The following DLG2 variants were observed in gnomAD, a reference collection of about 807,000 sequenced individuals.
The protein encoded by DLG2 is disks large homolog 2.
In DLG2, 45 loss-of-function variants were observed where a neutral mutation model predicts 132.5. The ratio of observed to expected loss-of-function variants is 0.34; its 90% CI spans 0.27 to 0.44. The LOEUF (loss-of-function observed/expected upper bound fraction) is 0.44, where lower values mean the gene tolerates loss of function less well. Among genes scored for constraint, DLG2 ranks in the 20% least tolerant of loss-of-function variants. The pLI, the probability that DLG2 is intolerant of heterozygous loss-of-function variation, is 1.00. For synonymous variants in DLG2, 424 were observed against 419.6 expected, an observed-to-expected ratio of 1.01 and a Z score of -0.13; for missense variants, 1,045 against 1,196.9, an observed-to-expected ratio of 0.87 and a Z score of 1.87.
intron 7 of DLG2, among the ~76,000 whole-genome samples, chr11:84,308,685 G>A (rs573328854): frequency 6.6e-6 from 1 of 152,134 alleles, no homozygotes; most frequent in African/African-American, 2.4e-5. Context: ...CCTGCCCCGC[G>A]GGGAGGCAGC....
In DLG2 at chr11:85,037,863, A is replaced by G. The variant is rs527371671; in HGVS notation, c.357+73798T>C. ...TTGTACATCTCTGTATGAATACATA[A>G]TAGATCTTAAAATATCAAACAATAA... is the stretch of plus-strand genomic sequence containing the variant. On this transcript the variant is annotated intron_variant, in intron 6 of 27. Coordinates refer to ENST00000376104, the MANE Select transcript of DLG2 (RefSeq NM_001142699.3). Among the ~76,000 whole-genome samples, 3 of 152,304 alleles carry G rather than the reference A, an allele frequency of 2.0e-5. No homozygotes were observed. In the East Asian group the frequency reaches 5.8e-4, roughly 29 times the overall value.
intron 17 of DLG2, chr11:83,791,432 C>G: frequency 7.0e-6 from 5 of 714,344 alleles, no homozygotes; most frequent in South Asian, 7.0e-5. Flanking sequence ...TTGGCCATAT[C>G]TTTACCATAG....
chr11:83,958,994 A>C (rs1024648804), intron 14 of DLG2, among the ~76,000 whole-genome samples: 2 of 152,160 alleles, frequency 1.3e-5, no homozygotes, highest in African/African-American at 4.8e-5. Flanking sequence ...ACAGTCTATA[A>C]TGCCTGAGAC....
intron 6 of DLG2, among the ~76,000 whole-genome samples, chr11:84,904,435 T>C (rs1316395225): frequency 6.6e-6 from 1 of 152,210 alleles, no homozygotes; most frequent in African/African-American, 2.4e-5. Context: ...ATATTCATGA[T>C]ATGGCCTCCG....
chr11:84,607,277 T>C (rs895621294), intron 6 of DLG2, among the ~76,000 whole-genome samples: 5 of 152,158 alleles, frequency 3.3e-5, no homozygotes, highest in African/African-American at 1.2e-4. Flanking sequence ...AGGTATTCTC[T>C]CCACTTGAGA....
intron 3 of DLG2, among the ~76,000 whole-genome samples, chr11:85,373,105 A>C (rs1331599276): frequency 6.6e-6 from 1 of 152,104 alleles, no homozygotes; most frequent in Non-Finnish European, 1.5e-5. Flanking sequence ...AAACTGGTCG[A>C]CCTAGGTTTG....
At chr11:83,972,961 T>C (rs1351729) in intron 12 of DLG2, among the ~76,000 whole-genome samples, 13,689 of 152,108 alleles carry the variant, frequency 0.09, 667 homozygotes, top group East Asian at 0.16. Flanking sequence ...CTTAACCTTT[T>C]ACTCCATATA....
intron 3 of DLG2, among the ~76,000 whole-genome samples, chr11:85,503,266 C>A (rs181426112): frequency 8.5e-5 from 13 of 152,132 alleles, no homozygotes; most frequent in African/African-American, 3.1e-4. Flanking sequence ...AAATACTTTT[C>A]TTGACACTTC....
rs569348566 is a variant in DLG2, at chr11:84,882,861, G to A, written c.357+228800C>T. On this transcript the variant is annotated intron_variant, in intron 6 of 27. Coordinates refer to ENST00000376104, the MANE Select transcript of DLG2 (RefSeq NM_001142699.3). ...TAAAGCCTTTCTTAAGATGATGAAA[G>A]TTTTAGAGAGGATGACTAAATCCAC... 8.5e-5 allele frequency among the ~76,000 whole-genome samples: 13 copies of A among 152,142 alleles called. No individual in the cohort carries two copies. In the South Asian group the frequency reaches 2.1e-3, roughly 24 times the overall value.
chr11:84,427,105 T>C (rs2098969225), intron 7 of DLG2, among the ~76,000 whole-genome samples: 1 of 152,110 alleles, frequency 6.6e-6, no homozygotes, highest in Admixed American at 6.5e-5. Context: ...AGAAAGTTCA[T>C]TCGGAAGCCC....
chr11:85,196,472 G>A (rs1359504702), intron 4 of DLG2, among the ~76,000 whole-genome samples: 1 of 152,188 alleles, frequency 6.6e-6, no homozygotes, highest in African/African-American at 2.4e-5. Context: ...TAGTGGTTGA[G>A]GGGCCTAATT....
chr11:84,916,286 A>T (rs1255274191), intron 6 of DLG2, among the ~76,000 whole-genome samples: 39 of 125,696 alleles, frequency 3.1e-4, no homozygotes, highest in Middle Eastern at 4.2e-3. Flanking sequence ...GAGGCGGAGC[A>T]TGCAGTGAGC....
At chr11:83,769,134 C>T (rs1211403771) in intron 18 of DLG2, among the ~76,000 whole-genome samples, 2 of 152,092 alleles carry the variant, frequency 1.3e-5, no homozygotes, top group Non-Finnish European at 2.9e-5. Flanking sequence ...TTTTCTGAAT[C>T]CTTGAACCCA....
At chr11:85,490,660 T>C (rs2093536587) in intron 3 of DLG2, among the ~76,000 whole-genome samples, 1 of 152,078 alleles carries the variant, frequency 6.6e-6, no homozygotes, top group South Asian at 2.1e-4. Context: ...GAGATGATTA[T>C]GAAGCACTAT....
At chr11:85,310,094 C>A (rs1442044840) in intron 3 of DLG2, among the ~76,000 whole-genome samples, 1 of 152,160 alleles carries the variant, frequency 6.6e-6, no homozygotes, top group Non-Finnish European at 1.5e-5. Flanking sequence ...AAGAGTTTGT[C>A]AGTCTTAATT....
intron 3 of DLG2, among the ~76,000 whole-genome samples, chr11:85,532,507 C>A (rs577205073): frequency 1.3e-5 from 2 of 152,244 alleles, no homozygotes; most frequent in African/African-American, 4.8e-5. Flanking sequence ...CTTTTCTATG[C>A]CTTTGAACAG....
At chr11:84,764,558 C>G (rs1389403102) in intron 6 of DLG2, among the ~76,000 whole-genome samples, 1 of 151,914 alleles carries the variant, frequency 6.6e-6, no homozygotes. Context: ...TATCTCCATT[C>G]TAAAGAGAAA....
intron 7 of DLG2, among the ~76,000 whole-genome samples, chr11:84,428,163 TCTC>T (rs1322773725): frequency 6.6e-6 from 1 of 152,152 alleles, no homozygotes; most frequent in East Asian, 1.9e-4. Flanking sequence ...ACCCTCTACT[TCTC>T]CTTTTTAAAA....
intron 19 of DLG2, among the ~76,000 whole-genome samples, chr11:83,595,606 G>A (rs943336915): frequency 6.6e-6 from 1 of 152,128 alleles, no homozygotes; most frequent in Non-Finnish European, 1.5e-5. Flanking sequence ...TACTTTGTAC[G>A]GAACTAAAAA....
Sources: gnomAD v4.1 joint callset for allele counts (sites outside exome capture counted in the v4.1 genomes callset) on GRCh38, gnomAD v4.1.1 for gene constraint, MANE v1.5 for transcripts, NCBI Gene and HGNC (gene_info 2026-07-23, HGNC 2026-07-21) for gene names.